The following RAB1A variants were observed in gnomAD, a reference collection of about 807,000 sequenced individuals.
The protein encoded by RAB1A is RAB1A, member RAS oncogene family.
A neutral mutation model predicts 26.0 loss-of-function variants in RAB1A; 2 were observed. That is an observed-to-expected ratio of 0.08 (90% CI 0.03 to 0.24). RAB1A has a LOEUF of 0.24. Ranked by LOEUF, RAB1A falls within the 10% of genes least tolerant of loss-of-function variation. The pLI is 1.00. For missense variants in RAB1A, 100 were observed against 247.0 expected (o/e 0.40, Z 3.99); for synonymous variants, 84 against 84.9 (o/e 0.99, Z 0.06).
chr2:65,090,760 G>A (rs1377101102), intron 4 of RAB1A, among the ~76,000 whole-genome samples: 1 of 152,174 alleles, frequency 6.6e-6, no homozygotes, highest in Non-Finnish European at 1.5e-5. Flanking sequence ...AATACAACCA[G>A]AATCCCTTGA....
In RAB1A at chr2:65,127,231, C is replaced by T. The variant is rs1304493517; in HGVS notation, c.23+2662G>A. ...TGTCCTTGTCATTTATGAGCCATTC[C>T]TCCTTCTTCTCCCCCTTGAAAATTC... is the stretch of plus-strand genomic sequence containing the variant. On this transcript the variant is annotated intron_variant, in intron 1 of 5. Coordinates refer to ENST00000409784, the MANE Select transcript of RAB1A (RefSeq NM_004161.5). 2.6e-5 allele frequency among the ~76,000 whole-genome samples: 4 copies of T among 152,186 alleles called. No individual in the cohort carries two copies. In the East Asian group the frequency reaches 7.7e-4, roughly 29 times the overall value.
rs55930968 is a variant in RAB1A at position 65,125,864 on chromosome 2, C to CTTTT, written c.23+4025_23+4028dup. ...CTGTTCAGATTACACTTTCAATTGC[C>CTTTT]TTTTTTTTTTTTTTTTTTTTTTTTT... On this transcript the variant is annotated intron_variant, in intron 1 of 5. Coordinates refer to ENST00000409784, the MANE Select transcript of RAB1A (RefSeq NM_004161.5). 2.9e-3 allele frequency among the ~76,000 whole-genome samples: 217 copies of CTTTT among 74,738 alleles called. 45 individuals are homozygous for CTTTT. Among genetic ancestry groups the CTTTT allele is most frequent in the African/African-American group, 0.011 (203 of 18,490 alleles). 49.0% of individuals were successfully genotyped at this position (74,738 alleles called of 152,430 possible).
intron 3 of RAB1A, among the ~76,000 whole-genome samples, chr2:65,095,263 T>C (rs1669255975): frequency 6.6e-6 from 1 of 152,146 alleles, no homozygotes; most frequent in African/African-American, 2.4e-5. Context: ...TTAGACCTCC[T>C]GAGCTCAGGC....
At chr2:65,128,745 G>T (rs7568994) in intron 1 of RAB1A, among the ~76,000 whole-genome samples, 135,931 of 152,160 alleles carry the variant, frequency 0.89, 60,833 homozygotes, top group East Asian at 1. Flanking sequence ...AAATACTGAT[G>T]TTCCCCCATC....
chr2:65,105,000 T>C (rs1205408689), intron 1 of RAB1A, 194 bp from the exon 2 acceptor site: 2 of 690,192 alleles, frequency 2.9e-6, no homozygotes, highest in South Asian at 1.5e-5. Context: ...GATAAAATTA[T>C]GTAAAAAGTA....
At chr2:65,129,337 A>G (rs1670182430) in intron 1 of RAB1A, among the ~76,000 whole-genome samples, 1 of 151,770 alleles carries the variant, frequency 6.6e-6, no homozygotes, top group South Asian at 2.1e-4. Flanking sequence ...CTCACCATCT[A>G]CTCATTCCCC....
At position 65,094,322 on chromosome 2, in the gene RAB1A, C is replaced by T. The variant is rs140884854; in HGVS notation, c.193-3244G>A. ...CAAATCGGCCAGGCGCCGTGGCTCA[C>T]GACTGTAATCCCAGCACTTTGGGAG... On this transcript the variant is annotated intron_variant, in intron 3 of 5. Coordinates refer to ENST00000409784, the MANE Select transcript of RAB1A (RefSeq NM_004161.5). Among the ~76,000 whole-genome samples the T allele has an allele frequency of 2.8e-3, 422 of 152,298 alleles. 3 individuals carry two copies. The highest frequency in any genetic ancestry group is 9.6e-3 in the African/African-American group (401 of 41,576).
intron 2 of RAB1A, among the ~76,000 whole-genome samples, chr2:65,103,304 A>AAAAAAAAAAAAAAAAAAAAAAAAAC (rs757626011): frequency 2.7e-5 from 3 of 112,498 alleles, no homozygotes; most frequent in Admixed American, 1.0e-4. Context: ...TGTCTCAAAA[A>AAAAAAAAAAAAAAAAAAAAAAAAAC]AAAAAAAAAA....
At chr2:65,102,037 AC>A (rs1669443385) in intron 2 of RAB1A, among the ~76,000 whole-genome samples, 2 of 151,922 alleles carry the variant, frequency 1.3e-5, no homozygotes, top group Non-Finnish European at 2.9e-5. Context: ...GTGACCCACC[AC>A]ACCCAGCCAG....
intron 1 of RAB1A, among the ~76,000 whole-genome samples, chr2:65,128,556 G>A (rs1276681084): frequency 1.3e-5 from 2 of 152,054 alleles, no homozygotes; most frequent in Admixed American, 6.6e-5. Flanking sequence ...AAAATACTAC[G>A]GTTTCTGTTT....
At position 65,123,912 on chromosome 2, in the gene RAB1A, C is replaced by A. The variant is rs1420880046; in HGVS notation, c.23+5981G>T. On this transcript the variant is annotated intron_variant, in intron 1 of 5. Transcript: ENST00000409784. ...TTTAAGACAACGTTAAAAAAAAAAA[C>A]TAAACTAAAATATTTGATGGTTAAA... 1.2e-4 allele frequency among the ~76,000 whole-genome samples: 18 copies of A among 146,162 alleles called. No homozygotes were observed. In the Admixed American group the frequency reaches 1.2e-3, roughly 10 times the overall value.
At chr2:65,104,058 G>A (rs566047341) in intron 2 of RAB1A, among the ~76,000 whole-genome samples, 2 of 152,164 alleles carry the variant, frequency 1.3e-5, no homozygotes, top group Non-Finnish European at 2.9e-5. Context: ...GATTACAGGC[G>A]TGAGCCACCG....
intron 1 of RAB1A, among the ~76,000 whole-genome samples, chr2:65,108,298 G>A (rs1036714699): frequency 1.0e-4 from 15 of 148,990 alleles, no homozygotes; most frequent in Admixed American, 3.4e-4. Context: ...GGAGGCAGAG[G>A]TTGCAGTGCG....
At chr2:65,113,312 C>T (rs751709470) in intron 1 of RAB1A, among the ~76,000 whole-genome samples, 5 of 152,070 alleles carry the variant, frequency 3.3e-5, no homozygotes, top group East Asian at 1.9e-4. Context: ...TATGTACCTA[C>T]GCCATTTTTG....
chr2:65,097,760 T>A (rs894069373), intron 3 of RAB1A, among the ~76,000 whole-genome samples: 2 of 152,202 alleles, frequency 1.3e-5, no homozygotes, highest in Non-Finnish European at 2.9e-5. Context: ...GTTTCTCTGC[T>A]TCATGAATAG....
At chr2:65,089,702 ATTT>A (rs58993413) in intron 4 of RAB1A, among the ~76,000 whole-genome samples, 110,744 of 142,250 alleles carry the variant, frequency 0.78, 42,764 homozygotes, top group East Asian at 0.81. Flanking sequence ...AATTTGATTA[ATTT>A]TTTTTTTTTT....
intron 3 of RAB1A, among the ~76,000 whole-genome samples, chr2:65,092,419 T>G (rs1057286001): frequency 2.6e-5 from 4 of 152,200 alleles, no homozygotes; most frequent in African/African-American, 7.2e-5. Flanking sequence ...AGTTTCTTCA[T>G]CTGTAAATGC....
chr2:65,126,159 C>T (rs550334499), intron 1 of RAB1A, among the ~76,000 whole-genome samples: 3 of 151,820 alleles, frequency 2.0e-5, no homozygotes, highest in South Asian at 4.2e-4. Context: ...GTACTCTATA[C>T]AAAAATTAGC....
chr2:65,129,781 C>T (rs1389619931), intron 1 of RAB1A, 112 bp downstream of exon 1: 1 of 1,506,418 alleles, frequency 6.6e-7, no homozygotes, highest in Admixed American at 2.0e-5. Flanking sequence ...GACCCATCAC[C>T]CTCGCCTCAC....
Sources: gnomAD v4.1 joint callset for allele counts (sites outside exome capture counted in the v4.1 genomes callset) on GRCh38, gnomAD v4.1.1 for gene constraint, MANE v1.5 for transcripts, NCBI Gene and HGNC (gene_info 2026-07-23, HGNC 2026-07-21) for gene names.